Variants in AAMP observed in about 807,000 individuals in gnomAD.
The protein encoded by AAMP is angio-associated migratory cell protein.
Under a neutral mutation model 51.1 loss-of-function variants are expected in AAMP, and 12 were observed. The ratio of observed to expected loss-of-function variants is 0.23; its 90% CI spans 0.15 to 0.38. The LOEUF (loss-of-function observed/expected upper bound fraction) is 0.38. Ranked by LOEUF, AAMP falls within the 10% of genes least tolerant of loss-of-function variation. The pLI is 1.00. For synonymous variants in AAMP, 210 were observed against 218.7 expected, an observed-to-expected ratio of 0.96 and a Z score of 0.35; for missense variants, 418 against 557.2, an observed-to-expected ratio of 0.75 and a Z score of 2.52.
chr2:218,264,452 C>T lies in AAMP; in HGVS notation c.*81G>A. 7.3e-7 allele frequency: 1 copy of T among 1,365,028 alleles called. No individual in the cohort carries two copies. Among genetic ancestry groups the T allele is most frequent in the Non-Finnish European group, 1.0e-6 (1 of 954,820 alleles). The allele number at this position is 1,365,028 out of a possible 1,614,324, so 84.6% of individuals were successfully genotyped here. On this transcript the variant is annotated 3_prime_UTR_variant, in exon 11 of 11. Coordinates refer to ENST00000248450, the MANE Select transcript of AAMP (RefSeq NM_001087.5). ...GCCCCACCCTCCTCTTCCCTCTGTG[C>T]CCTACTGCCTCTGCTGGCAGACAGG...
At position 218,266,050 on chromosome 2, in the gene AAMP, C is replaced by G; in HGVS notation, c.763+14G>C. On this transcript the variant is annotated intron_variant, in intron 6 of 10. Coordinates refer to ENST00000248450, the MANE Select transcript of AAMP (RefSeq NM_001087.5). The surrounding 1 kb of genome is among the most constrained non-coding windows in gnomAD (Gnocchi z 4.7). ...TACAAAGGCCCAGGCTAACACTTCC[C>G]CCACCTCTGATACCTTTCAGTACAT... The G allele has an allele frequency of 6.2e-7, 1 of 1,613,914 alleles. No homozygotes were observed. Among genetic ancestry groups the G allele is most frequent in the Non-Finnish European group, 8.5e-7 (1 of 1,179,794 alleles).
Position 218,265,799 on chromosome 2 carries a change from G to T in AAMP, c.879+32C>A. On this transcript the variant is annotated intron_variant, in intron 7 of 10. Coordinates refer to ENST00000248450, the MANE Select transcript of AAMP (RefSeq NM_001087.5). The surrounding 1 kb of genome is among the most constrained non-coding windows in gnomAD (Gnocchi z 6.6). ...AAGGAAGGAGAGGAGTCGGGAAAGCGGAGGCCCCAGCCGGGCTCCAGGTCC... is the reference window on the plus strand; with the variant it reads ...AAGGAAGGAGAGGAGTCGGGAAAGCTGAGGCCCCAGCCGGGCTCCAGGTCC... The T allele has an allele frequency of 6.3e-7, 1 of 1,595,616 alleles. No homozygotes were observed. The highest frequency in any genetic ancestry group is 8.6e-7 in the Non-Finnish European group (1 of 1,165,750).
rs1258844084 is a variant in AAMP at position 218,267,224 on chromosome 2, C to T, written c.395-238G>A. 6.6e-6 allele frequency among the ~76,000 whole-genome samples: 1 copy of T among 152,134 alleles called. No individual in the cohort carries two copies. On this transcript the variant is annotated intron_variant, in intron 3 of 10. Transcript: ENST00000248450. The surrounding 1 kb of genome is among the most constrained non-coding windows in gnomAD (Gnocchi z 4.6). ...AAGTCCCAGCCTCCTATGCCTTCCC[C>T]CTTCTGTCCACTCTACACCTCTGCC...
Position 218,269,474 on chromosome 2 carries a change from T to C in AAMP, c.182A>G (p.Asn61Ser). 1.9e-6 allele frequency: 3 copies of C among 1,614,238 alleles called. No homozygotes were observed. Among genetic ancestry groups the C allele is most frequent in the Non-Finnish European group, 2.5e-6 (3 of 1,180,038 alleles). The change falls in exon 2 of 11, where the codon AAC becomes AGC. Residue 61 changes from asparagine (N) to serine (S), a missense_variant. Coordinates refer to ENST00000248450, the MANE Select transcript of AAMP (RefSeq NM_001087.5). ...GGGTTCTAGAACCCAGCCCTCTTCG[T>C]TGCCCTCTTCCTCCTCTTCTTCCTC... The part of the protein sequence containing the change: ...DFEEEEEEEG[N>S]EEGWVLEPQE...
intron 1 of AAMP, 194 bp from the exon 2 acceptor site, chr2:218,269,728 A>T: frequency 3.8e-6 from 4 of 1,058,868 alleles, no homozygotes; most frequent in South Asian, 2.9e-5. Flanking sequence ...GCGGTAAGGG[A>T]GGGCCAAGGG....
At position 218,265,452 on chromosome 2, in the gene AAMP, C is replaced by G; in HGVS notation, c.993G>C (p.Leu331=). The change falls in exon 9 of 11, where the codon CTG becomes CTC. Residue 331 remains leucine, a synonymous_variant. Coordinates refer to ENST00000248450, the MANE Select transcript of AAMP (RefSeq NM_001087.5). The surrounding 1 kb of genome is among the most constrained non-coding windows in gnomAD (Gnocchi z 6.6). ...ESLGFCSVMP[L]AAVGYLDGTL... ...TCCCATCCAGGTAGCCAACAGCTGC[C>G]AGGGGCATCCTGGCCAGAGGAGCGT... is the stretch of plus-strand genomic sequence containing the variant. 1 of 1,570,724 alleles carries G rather than the reference C, an allele frequency of 6.4e-7. No homozygotes were observed. Among genetic ancestry groups the G allele is most frequent in the Non-Finnish European group, 8.6e-7 (1 of 1,156,622 alleles).
In AAMP at chr2:218,266,564, T is replaced by C; in HGVS notation, c.558A>G (p.Ala186=). The C allele has an allele frequency of 6.2e-7, 1 of 1,613,272 alleles. No individual in the cohort carries two copies. Among genetic ancestry groups the C allele is most frequent in the Non-Finnish European group, 8.5e-7 (1 of 1,179,750 alleles). The part of the protein sequence containing the change: ...DLEWMEWHPR[A]PVLLAGTADG... ...CAGCTGTGCCCGCCAACAGGACAGG[T>C]GCCCGAGGATGCCACTCCATCCACT... Residue 186 remains alanine (A), a synonymous_variant, in exon 5 of 11, where the codon GCA becomes GCG. Coordinates refer to ENST00000248450, the MANE Select transcript of AAMP (RefSeq NM_001087.5). This position sits in a 1 kb window ranked among gnomAD's most constrained non-coding sequence, Gnocchi z 4.7.
At position 218,266,830 on chromosome 2, in the gene AAMP, C is replaced by T. The variant is rs753123540; in HGVS notation, c.534+17G>A. The T allele has an allele frequency of 3.7e-6, 6 of 1,613,608 alleles. No individual in the cohort carries two copies. The highest frequency in any genetic ancestry group is 4.2e-6 in the Non-Finnish European group (5 of 1,179,998). On this transcript the variant is annotated intron_variant, in intron 4 of 10. Coordinates refer to ENST00000248450, the MANE Select transcript of AAMP (RefSeq NM_001087.5). This position sits in a 1 kb window ranked among gnomAD's most constrained non-coding sequence, Gnocchi z 4.7. The stretch of plus-strand genomic sequence containing the variant: ...CCCAAGGCCCCACAGAGCTGACTCC[C>T]GCTCTGATGATCTTACCTCCAGGTC...
chr2:218,269,892 G>A, intron 1 of AAMP, 74 bp downstream of exon 1: 3 of 1,599,400 alleles, frequency 1.9e-6, no homozygotes, highest in Non-Finnish European at 2.6e-6. Flanking sequence ...GTGGAGGGGA[G>A]CGGGGAAAAG....
Position 218,266,828 on chromosome 2 carries a change from C to T in AAMP, c.534+19G>A, listed in dbSNP as rs1690641572. 6.2e-7 allele frequency: 1 copy of T among 1,613,642 alleles called. No homozygotes were observed. Among genetic ancestry groups the T allele is most frequent in the Non-Finnish European group, 8.5e-7 (1 of 1,179,972 alleles). On this transcript the variant is annotated intron_variant, in intron 4 of 10. Transcript: ENST00000248450. The surrounding 1 kb of genome is among the most constrained non-coding windows in gnomAD (Gnocchi z 4.7). ...AACCCAAGGCCCCACAGAGCTGACT[C>T]CCGCTCTGATGATCTTACCTCCAGG...
intron 2 of AAMP, among the ~76,000 whole-genome samples, chr2:218,268,823 C>T (rs1168086818): frequency 4.6e-5 from 7 of 151,694 alleles, no homozygotes; most frequent in Non-Finnish European, 7.4e-5. Flanking sequence ...CTCAACCTCC[C>T]GAGGAGCTGG....
intron 1 of AAMP, 105 bp from the exon 2 acceptor site, chr2:218,269,639 G>A (rs776424325): frequency 6.3e-7 from 1 of 1,581,702 alleles, no homozygotes; most frequent in Non-Finnish European, 8.6e-7. Context: ...GGCGAGAAGG[G>A]AAGGTGGAGT....
Position 218,265,205 on chromosome 2 carries a change from AG to A in AAMP, c.1075-32del. 1 of 1,569,942 alleles carries A rather than the reference AG, an allele frequency of 6.4e-7. No individual in the cohort carries two copies. The highest frequency in any genetic ancestry group is 8.6e-7 in the Non-Finnish European group (1 of 1,158,100). The stretch of plus-strand genomic sequence containing the variant: ...CCGAGGAATGACAGAGGCAGGGCGG[AG>A]GTTGGCAGGAGAGCTGAGAGCCATC... On this transcript the variant is annotated intron_variant, in intron 9 of 10. Transcript: ENST00000248450. The surrounding 1 kb of genome is among the most constrained non-coding windows in gnomAD (Gnocchi z 6.6).
chr2:218,265,859 G>C lies in AAMP; in HGVS notation c.851C>G (p.Ala284Gly). 6.2e-7 allele frequency: 1 copy of C among 1,613,722 alleles called. No homozygotes were observed. Among genetic ancestry groups the C allele is most frequent in the South Asian group, 1.1e-5 (1 of 91,074 alleles). ...GCCGGTGGTGGCACTGACCAGCTTG[G>C]CCTGGCAGTCCACAGAGCCAGTTAG... ...LILTGSVDCQ[A>G]KLVSATTGKV... The change falls in exon 7 of 11, where the codon GCC (alanine) becomes GGC (glycine). Residue 284 changes from alanine to glycine, a missense_variant. Physicochemically the swap from Ala to Gly is moderately conservative, Grantham distance 60. Transcript: ENST00000248450. This position sits in a 1 kb window ranked among gnomAD's most constrained non-coding sequence, Gnocchi z 6.6.
chr2:218,264,369 A>G lies in AAMP; in HGVS notation c.*164T>C, dbSNP rs1690566212. Reference sequence around the variant, plus strand: ...TGGGAGGGCCCTGGGCTGGGTCTCTAAAGAGAAGAAAAGGAGAGGGGAGCA... The same window carrying G: ...TGGGAGGGCCCTGGGCTGGGTCTCTGAAGAGAAGAAAAGGAGAGGGGAGCA... On this transcript the variant is annotated 3_prime_UTR_variant, in exon 11 of 11. Coordinates refer to ENST00000248450, the MANE Select transcript of AAMP (RefSeq NM_001087.5). The G allele has an allele frequency of 4.3e-6, 3 of 698,598 alleles. No individual in the cohort carries two copies. The South Asian group carries it at 5.2e-5, about 12-fold the overall frequency. The allele number at this position is 698,598 out of a possible 1,614,324, so 43.3% of individuals were successfully genotyped here.
At position 218,267,404 on chromosome 2, in the gene AAMP, G is replaced by T; in HGVS notation, c.394+90C>A. On this transcript the variant is annotated intron_variant, in intron 3 of 10. Transcript: ENST00000248450. This position sits in a 1 kb window ranked among gnomAD's most constrained non-coding sequence, Gnocchi z 4.6. ...GGCACAAAAGAGATGTCACTAAGTGGCTGTTGGATGCACAACCTCTGCAGG... is the reference window on the plus strand; with the variant it reads ...GGCACAAAAGAGATGTCACTAAGTGTCTGTTGGATGCACAACCTCTGCAGG... 6.4e-7 allele frequency: 1 copy of T among 1,551,634 alleles called. No individual in the cohort carries two copies. Among genetic ancestry groups the T allele is most frequent in the Non-Finnish European group, 8.8e-7 (1 of 1,136,294 alleles).
intron 2 of AAMP, among the ~76,000 whole-genome samples, chr2:218,268,256 C>T (rs1319692884): frequency 2.0e-5 from 3 of 152,042 alleles, no homozygotes; most frequent in Non-Finnish European, 2.9e-5. Flanking sequence ...CATGAGCCAC[C>T]GTGCCTGGCA....
intron 1 of AAMP, 117 bp from the exon 2 acceptor site, chr2:218,269,651 A>G: frequency 6.4e-7 from 1 of 1,553,616 alleles, no homozygotes; most frequent in Non-Finnish European, 8.8e-7. Context: ...AGGTGGAGTC[A>G]GACACACCGG....
rs749910568 is a variant in AAMP at position 218,264,616 on chromosome 2, C to A, written c.1230-8G>T. On this transcript the variant is annotated splice_polypyrimidine_tract_variant and splice_region_variant and intron_variant, in intron 10 of 10. Coordinates refer to ENST00000248450, the MANE Select transcript of AAMP (RefSeq NM_001087.5). ...ACCACCAGGGAGGCATCTCTGTAAA[C>A]AGAAAGCATGTGATTGCAGAGACTG... 3 of 1,613,838 alleles carry A rather than the reference C, an allele frequency of 1.9e-6. No individual in the cohort carries two copies. In the East Asian group the frequency reaches 6.7e-5, roughly 36 times the overall value.
Sources: gnomAD v4.1 joint callset for allele counts (sites outside exome capture counted in the v4.1 genomes callset) on GRCh38, gnomAD v4.1.1 for gene constraint, Gnocchi (gnomAD v3.1) non-coding constraint, MANE v1.5 for transcripts, NCBI Gene and HGNC (gene_info 2026-07-23, HGNC 2026-07-21) for gene names.